GPC6: variants seen among roughly 807,000 people sequenced by gnomAD.
GPC6 encodes the protein glypican-6.
GPC6 carries 14 observed loss-of-function variants against 55.2 expected under a neutral mutation model. The observed-to-expected ratio is 0.25, with a 90% confidence interval of 0.17 to 0.40. The LOEUF (loss-of-function observed/expected upper bound fraction) is 0.40, where lower values mean the gene tolerates loss of function less well. Ranked by LOEUF, GPC6 falls within the 10% of genes least tolerant of loss-of-function variation. The pLI, the probability that GPC6 is intolerant of heterozygous loss-of-function variation, is 1.00. For synonymous variants in GPC6, 278 were observed against 259.6 expected (o/e 1.07, Z -0.68); for missense variants, 641 against 708.5 (o/e 0.90, Z 1.08).
chr13:94,311,917 T>C (rs916207795), intron 6 of GPC6, among the ~76,000 whole-genome samples: 1 of 152,184 alleles, frequency 6.6e-6, no homozygotes, highest in African/African-American at 2.4e-5. Flanking sequence ...TTGGTCCCAT[T>C]GATAACTAAA....
At chr13:93,893,504 G>T (rs1875815197) in intron 3 of GPC6, among the ~76,000 whole-genome samples, 1 of 152,130 alleles carries the variant, frequency 6.6e-6, no homozygotes, top group Non-Finnish European at 1.5e-5. Flanking sequence ...ATACAGGCCT[G>T]GGATTACAGA....
At chr13:93,547,802 AATC>A (rs201926667) in intron 2 of GPC6, among the ~76,000 whole-genome samples, 8,327 of 151,660 alleles carry the variant, frequency 0.055, 760 homozygotes, top group African/African-American at 0.19. Flanking sequence ...TAATAATAAT[AATC>A]ATCATCATCA....
intron 1 of GPC6, among the ~76,000 whole-genome samples, chr13:93,239,536 T>G (rs9523978): frequency 0.25 from 37,876 of 151,824 alleles, 4,766 homozygotes; most frequent in East Asian, 0.31. Context: ...ATTGTTTTCC[T>G]GGTTAATCTA....
intron 2 of GPC6, among the ~76,000 whole-genome samples, chr13:93,761,601 A>G (rs1259531560): frequency 1.3e-5 from 2 of 152,088 alleles, no homozygotes; most frequent in African/African-American, 4.8e-5. Flanking sequence ...CCTGCAACCT[A>G]GAGCTCCTAG....
At position 94,271,947 on chromosome 13, in the gene GPC6, T is replaced by C. The variant is rs766182041; in HGVS notation, c.878-14402T>C. Reference sequence around the variant, plus strand: ...TCATTCACTTCCTAAAATGAGTTTTTTCATTTTTTTAAAACAATCCACCTT... The same window carrying C: ...TCATTCACTTCCTAAAATGAGTTTTCTCATTTTTTTAAAACAATCCACCTT... On this transcript the variant is annotated intron_variant, in intron 4 of 8. Transcript: ENST00000377047. Among the ~76,000 whole-genome samples, 56 of 152,332 alleles carry C rather than the reference T, an allele frequency of 3.7e-4. 1 individual carries two copies. Among genetic ancestry groups the C allele is most frequent in the Non-Finnish European group, 6.9e-4 (47 of 68,038 alleles).
intron 1 of GPC6, among the ~76,000 whole-genome samples, chr13:93,388,432 A>G (rs571674425): frequency 2.9e-4 from 44 of 152,274 alleles, no homozygotes; most frequent in African/African-American, 1.0e-3. Context: ...GGCAACTTGG[A>G]GCAGAAGCAA....
At chr13:93,634,699 A>G (rs1879620866) in intron 2 of GPC6, among the ~76,000 whole-genome samples, 1 of 152,140 alleles carries the variant, frequency 6.6e-6, no homozygotes, top group Non-Finnish European at 1.5e-5. Flanking sequence ...GAGGGAAGAC[A>G]CAGTAGGAAA....
At chr13:94,152,044 G>C (rs1450442740) in intron 4 of GPC6, among the ~76,000 whole-genome samples, 2 of 152,016 alleles carry the variant, frequency 1.3e-5, no homozygotes, top group African/African-American at 4.8e-5. Flanking sequence ...ACAGGGACTT[G>C]TTTCAAATTC....
intron 1 of GPC6, among the ~76,000 whole-genome samples, chr13:93,313,293 T>C (rs1375389192): frequency 4.5e-5 from 1 of 22,064 alleles, no homozygotes; most frequent in African/African-American, 3.8e-4. Context: ...TGAGGTAAAT[T>C]TTTTTTTTCC....
At chr13:94,234,467 A>G (rs1890816473) in intron 4 of GPC6, among the ~76,000 whole-genome samples, 1 of 150,922 alleles carries the variant, frequency 6.6e-6, no homozygotes, top group Non-Finnish European at 1.5e-5. Context: ...GCTACTGAAA[A>G]TATGTCTCTG....
At chr13:93,424,436 C>G (rs1877044134) in intron 1 of GPC6, among the ~76,000 whole-genome samples, 1 of 152,184 alleles carries the variant, frequency 6.6e-6, no homozygotes, top group African/African-American at 2.4e-5. Context: ...CTTCTGGCAG[C>G]TGAGACATCT....
chr13:93,556,840 A>C (rs566372849), intron 2 of GPC6, among the ~76,000 whole-genome samples: 1 of 152,286 alleles, frequency 6.6e-6, no homozygotes, highest in African/African-American at 2.4e-5. Flanking sequence ...TTCACTGAAC[A>C]TAATGATCTT....
intron 1 of GPC6, among the ~76,000 whole-genome samples, chr13:93,361,615 T>C (rs1881042946): frequency 6.6e-6 from 1 of 152,158 alleles, no homozygotes; most frequent in Non-Finnish European, 1.5e-5. Flanking sequence ...AATACATATA[T>C]TCATAAAAAG....
At chr13:93,829,472 T>A (rs376019338) in intron 2 of GPC6, among the ~76,000 whole-genome samples, 1 of 152,212 alleles carries the variant, frequency 6.6e-6, no homozygotes, top group African/African-American at 2.4e-5. Context: ...GAAAGTCCAA[T>A]TGTCAATATT....
At chr13:94,163,164 CT>C (rs1566486019) in intron 4 of GPC6, among the ~76,000 whole-genome samples, 1 of 152,114 alleles carries the variant, frequency 6.6e-6, no homozygotes, top group East Asian at 1.9e-4. Context: ...CATCAGTTTT[CT>C]TTTGTGCTAA....
chr13:94,342,815 G>A (rs953632856), intron 6 of GPC6, among the ~76,000 whole-genome samples: 2 of 151,940 alleles, frequency 1.3e-5, no homozygotes, highest in South Asian at 2.1e-4. Context: ...TGTCTCTCTC[G>A]TAAGCCCATC....
chr13:93,431,070 C>A (rs186464956), intron 1 of GPC6, among the ~76,000 whole-genome samples: 1 of 152,080 alleles, frequency 6.6e-6, no homozygotes, highest in Non-Finnish European at 1.5e-5. Context: ...TAAGACATAA[C>A]AATCTTTAGT....
chr13:93,354,413 C>T (rs916259087), intron 1 of GPC6, among the ~76,000 whole-genome samples: 4 of 139,208 alleles, frequency 2.9e-5, no homozygotes, highest in Non-Finnish European at 6.0e-5. Flanking sequence ...TGCAGTGGCG[C>T]GATCTCAGCT....
intron 2 of GPC6, 43 bp from the exon 3 acceptor site, chr13:93,830,111 C>T (rs777705470): frequency 6.5e-7 from 1 of 1,541,994 alleles, no homozygotes; most frequent in Non-Finnish European, 8.9e-7. Context: ...CTTGGGCTTT[C>T]TAGATTTCAT....
Sources: allele counts gnomAD v4.1 joint callset (sites outside exome capture counted in the v4.1 genomes callset), GRCh38; gene constraint gnomAD v4.1.1; transcripts MANE v1.5; gene names NCBI Gene and HGNC (gene_info 2026-07-23, HGNC 2026-07-21).